The following LIMK2 variants were observed in gnomAD, a reference collection of about 807,000 sequenced individuals.
The protein encoded by LIMK2 is LIM domain kinase 2.
Under a neutral mutation model 75.7 loss-of-function variants are expected in LIMK2, and 35 were observed. That is an observed-to-expected ratio of 0.46 (90% CI 0.35 to 0.61). LIMK2 has a LOEUF of 0.61. LIMK2 is among the 20% of genes least tolerant of loss of function. The pLI is 0.00. For missense variants in LIMK2, 623 were observed against 831.0 expected (o/e 0.75, Z 3.08); for synonymous variants, 301 against 319.2 (o/e 0.94, Z 0.61).
chr22:31,259,772 A>G, intron 4 of LIMK2, 117 bp from the exon 5 acceptor site: 1 of 841,572 alleles, frequency 1.2e-6, no homozygotes, highest in Non-Finnish European at 1.7e-6. Context: ...AATCATGACA[A>G]AGAGGGTGGT....
At chr22:31,267,258 TA>T (rs1407289617) in intron 9 of LIMK2, among the ~76,000 whole-genome samples, 188 bp downstream of exon 9, 3 of 152,174 alleles carry the variant, frequency 2.0e-5, no homozygotes, top group South Asian at 2.1e-4. Context: ...GAACACTTAC[TA>T]AAAGCAACAC....
chr22:31,277,126 C>A (rs961200639), intron 15 of LIMK2: 1 of 1,613,674 alleles, frequency 6.2e-7, no homozygotes, highest in African/African-American at 1.3e-5. Context: ...GCTGAGCACA[C>A]CCCAGAAGAA....
At chr22:31,233,936 A>G (rs2048549642) in intron 2 of LIMK2, among the ~76,000 whole-genome samples, 1 of 152,170 alleles carries the variant, frequency 6.6e-6, no homozygotes, top group Admixed American at 6.5e-5. Context: ...GATGTCTGCA[A>G]TAGCCTCATC....
chr22:31,215,077 G>T (rs536035862), intron 1 of LIMK2, among the ~76,000 whole-genome samples: 34 of 152,284 alleles, frequency 2.2e-4, no homozygotes, highest in African/African-American at 7.5e-4. Flanking sequence ...GATTATAGGC[G>T]TGAGCCACCA....
Position 31,212,303 on chromosome 22 carries a change from C to T in LIMK2, c.-106C>T. 1.6e-6 allele frequency: 2 copies of T among 1,215,342 alleles called. No individual in the cohort carries two copies. Among genetic ancestry groups the T allele is most frequent in the Non-Finnish European group, 2.1e-6 (2 of 948,680 alleles). The allele number at this position is 1,215,342 out of a possible 1,614,324, so 75.3% of individuals were successfully genotyped here. The stretch of plus-strand genomic sequence containing the variant: ...CGTTCGCGCCTGGGGCTGTGGTCTT[C>T]CCGCGCCTGAGGCGGCGGCGGCAGG... On this transcript the variant is annotated 5_prime_UTR_variant, in exon 1 of 16. Transcript: ENST00000331728.
At chr22:31,235,871 C>A (rs924530249) in intron 2 of LIMK2, among the ~76,000 whole-genome samples, 1 of 152,152 alleles carries the variant, frequency 6.6e-6, no homozygotes, top group Admixed American at 6.5e-5. Context: ...GTAATGAAAG[C>A]AGTATTGTGT....
rs115186732 is a variant in LIMK2, at chr22:31,271,381, C to T, written c.1383+180C>T. Among the ~76,000 whole-genome samples, 786 of 152,246 alleles carry T rather than the reference C, an allele frequency of 5.2e-3. 5 individuals are homozygous for T. Among genetic ancestry groups the T allele is most frequent in the African/African-American group, 0.018 (746 of 41,532 alleles). ...TGTCCTCTGGGAGCTCCGAGACACA[C>T]ACAGACATAATTTCACCTTCTCTCA... On this transcript the variant is annotated intron_variant, in intron 12 of 15. Transcript: ENST00000331728.
At chr22:31,232,383 G>C (rs2048536998) in intron 2 of LIMK2, among the ~76,000 whole-genome samples, 1 of 152,062 alleles carries the variant, frequency 6.6e-6, no homozygotes, top group Non-Finnish European at 1.5e-5. Flanking sequence ...TCTGTAAAAT[G>C]TCATAAAAGA....
intron 2 of LIMK2, among the ~76,000 whole-genome samples, chr22:31,242,036 C>T (rs2123802206): frequency 6.6e-6 from 1 of 152,276 alleles, no homozygotes; most frequent in South Asian, 2.1e-4. Flanking sequence ...CCTGCCTCTA[C>T]AGTTTAGAGC....
intron 4 of LIMK2, 134 bp from the exon 5 acceptor site, chr22:31,259,755 C>A (rs1458575210): frequency 1.3e-6 from 1 of 742,640 alleles, no homozygotes. Context: ...TCTGAGCAGC[C>A]AGCTAGAATC....
Position 31,269,965 on chromosome 22 carries a change from C to CAGG in LIMK2, c.1318-1153_1318-1151dup, listed in dbSNP as rs1026806214. Among the ~76,000 whole-genome samples, 17 of 150,240 alleles carry CAGG rather than the reference C, an allele frequency of 1.1e-4. No individual in the cohort carries two copies. In the East Asian group the frequency reaches 2.3e-3, roughly 20 times the overall value. Reference sequence around the variant, plus strand: ...GAGAGACTGGTTGGCAATGAGGGAACAGGAGGAGGAGGAGGAGGAGTTACG... The same window carrying CAGG: ...GAGAGACTGGTTGGCAATGAGGGAACAGGAGGAGGAGGAGGAGGAGGAGTTACG... On this transcript the variant is annotated intron_variant, in intron 11 of 15. Coordinates refer to ENST00000331728, the MANE Select transcript of LIMK2 (RefSeq NM_005569.4).
At chr22:31,221,194 G>C (rs1232770500) in intron 1 of LIMK2, among the ~76,000 whole-genome samples, 1 of 152,108 alleles carries the variant, frequency 6.6e-6, no homozygotes, top group East Asian at 1.9e-4. Flanking sequence ...TTTATTGAAG[G>C]ATTGTAGCAG....
chr22:31,278,233 T>C (rs2049051535), intron 15 of LIMK2, 64 bp from the exon 16 acceptor site: 1 of 1,466,830 alleles, frequency 6.8e-7, no homozygotes, highest in South Asian at 1.3e-5. Flanking sequence ...CCTAGATCCC[T>C]TCCACCCACC....
In LIMK2 at chr22:31,221,492, T is replaced by A. The variant is rs190457729; in HGVS notation, c.17-4228T>A. Reference sequence around the variant, plus strand: ...ATTATAAATAAATAATAATAATAATTATTATTTTTTGAGACAGAGTCTCGC... The same window carrying A: ...ATTATAAATAAATAATAATAATAATAATTATTTTTTGAGACAGAGTCTCGC... On this transcript the variant is annotated intron_variant, in intron 1 of 15. Coordinates refer to ENST00000331728, the MANE Select transcript of LIMK2 (RefSeq NM_005569.4). 4.4e-3 allele frequency among the ~76,000 whole-genome samples: 666 copies of A among 152,040 alleles called. 2 individuals are homozygous for A. Among genetic ancestry groups the A allele is most frequent in the Middle Eastern group, 0.037 (11 of 294 alleles).
rs1202218591 is a variant in LIMK2, at chr22:31,267,776, G to C, written c.1129G>C (p.Val377Leu). The stretch of plus-strand genomic sequence containing the variant: ...TTTCCTTGGCTTCCCCCACCCCCAG[G>C]TGAAAGTGATGCGCAGCCTGGACCA... ...EETQKTFLTE[V>L]KVMRSLDHPN... Residue 377 changes from valine to leucine, a missense_variant and splice_region_variant, in exon 10 of 16, where the codon GTG (valine) becomes CTG (leucine). This residue lies in a region of LIMK2 where 514 missense variants were observed against 661.3 expected (regional missense o/e 0.78). Coordinates refer to ENST00000331728, the MANE Select transcript of LIMK2 (RefSeq NM_005569.4). 6.3e-7 allele frequency: 1 copy of C among 1,590,028 alleles called. No homozygotes were observed. The highest frequency in any genetic ancestry group is 2.2e-5 in the East Asian group (1 of 44,612).
In LIMK2 at chr22:31,258,375, G is replaced by T. The variant is rs748533181; in HGVS notation, c.201G>T (p.Lys67Asn). The change falls in exon 3 of 16, where the codon AAG becomes AAT. Residue 67 changes from lysine to asparagine, a missense_variant. This residue lies in a region of LIMK2 where 514 missense variants were observed against 661.3 expected (regional missense o/e 0.78). Transcript: ENST00000331728. Reference protein sequence around the residue: ...KLYCPKDYWGKFGEFCHGCSL... With the variant: ...KLYCPKDYWGNFGEFCHGCSL... ...ACTGCCCCAAGGACTACTGGGGGAA[G>T]TTTGGGGAGTTCTGTCATGGGTGCT... 2.5e-6 allele frequency: 4 copies of T among 1,614,050 alleles called. No individual in the cohort carries two copies. The highest frequency in any genetic ancestry group is 1.7e-5 in the Admixed American group (1 of 60,002).
intron 1 of LIMK2, among the ~76,000 whole-genome samples, chr22:31,219,055 G>C (rs970181347): frequency 6.6e-6 from 1 of 152,224 alleles, no homozygotes; most frequent in Non-Finnish European, 1.5e-5. Context: ...TCTGAGCTGG[G>C]ATACCAGGCC....
At chr22:31,234,303 C>T (rs1354038993) in intron 2 of LIMK2, among the ~76,000 whole-genome samples, 1 of 148,190 alleles carries the variant, frequency 6.7e-6, no homozygotes, top group Non-Finnish European at 1.5e-5. Flanking sequence ...TGAGCCACTG[C>T]ACCTGGCTGG....
intron 2 of LIMK2, among the ~76,000 whole-genome samples, chr22:31,245,891 G>A (rs767571016): frequency 1.4e-4 from 22 of 151,880 alleles, no homozygotes; most frequent in Non-Finnish European, 2.5e-4. Context: ...AATAAGCCAG[G>A]GCCGGGCGCA....
Sources: gnomAD v4.1 joint callset for allele counts (sites outside exome capture counted in the v4.1 genomes callset) on GRCh38, gnomAD v4.1.1 for gene constraint, gnomAD v4.1.1 regional missense constraint, MANE v1.5 for transcripts, NCBI Gene and HGNC (gene_info 2026-07-23, HGNC 2026-07-21) for gene names.